Variants in CCDC148 observed in about 807,000 individuals in gnomAD.
The protein encoded by CCDC148 is coiled-coil domain-containing protein 148.
A neutral mutation model predicts 85.7 loss-of-function variants in CCDC148; 89 were observed. The observed-to-expected ratio is 1.04, with a 90% CI of 0.87 to 1.24. The LOEUF (loss-of-function observed/expected upper bound fraction) is 1.24, where lower values mean the gene tolerates loss of function less well. Among genes scored for constraint, CCDC148 ranks in the 50% most tolerant of loss-of-function variants. The pLI, the probability that CCDC148 is intolerant of heterozygous loss-of-function variation, is 0.00. For synonymous variants in CCDC148, 230 were observed against 213.9 expected (o/e 1.08, Z -0.66); for missense variants, 692 against 671.7 (o/e 1.03, Z -0.33).
intron 1 of CCDC148, among the ~76,000 whole-genome samples, chr2:158,433,278 A>ATATATATATATATATATATATATAT (rs1193160417): frequency 2.4e-5 from 3 of 127,616 alleles, no homozygotes; most frequent in Non-Finnish European, 5.5e-5. Context: ...ATATATATAT[A>ATATATATATATATATATATATATAT]AAACAAAAGC....
At chr2:158,241,959 A>G (rs551191814) in intron 10 of CCDC148, among the ~76,000 whole-genome samples, 20 of 152,320 alleles carry the variant, frequency 1.3e-4, no homozygotes, top group African/African-American at 4.3e-4. Flanking sequence ...GCTAATCAGT[A>G]CATTTTGTTG....
intron 11 of CCDC148, among the ~76,000 whole-genome samples, chr2:158,192,710 C>G (rs557963091): frequency 7.4e-4 from 113 of 152,022 alleles, no homozygotes; most frequent in African/African-American, 2.5e-3. Context: ...ACCTGGCTCT[C>G]TCATGGGGCC....
chr2:158,338,006 G>A (rs1028928606), intron 7 of CCDC148, among the ~76,000 whole-genome samples: 1 of 152,036 alleles, frequency 6.6e-6, no homozygotes, highest in South Asian at 2.1e-4. Context: ...TTCTTTCGGG[G>A]AAAATATTGA....
chr2:158,312,578 C>CAAAAAAAAAAAAAAAAAAAAAAAAAAA (rs61545122), intron 8 of CCDC148, among the ~76,000 whole-genome samples: 1 of 76,118 alleles, frequency 1.3e-5, no homozygotes, highest in Non-Finnish European at 2.3e-5. Flanking sequence ...GAATCCATCT[C>CAAAAAAAAAAAAAAAAAAAAAAAAAAA]AAAAAAAAAA....
chr2:158,216,816 T>C (rs1686888482), intron 11 of CCDC148, among the ~76,000 whole-genome samples: 1 of 152,152 alleles, frequency 6.6e-6, no homozygotes, highest in African/African-American at 2.4e-5. Context: ...TAAAAGTCAA[T>C]TGATAGGAAT....
intron 1 of CCDC148, among the ~76,000 whole-genome samples, chr2:158,444,771 C>T (rs944738533): frequency 2.0e-4 from 22 of 107,712 alleles, no homozygotes; most frequent in African/African-American, 7.5e-4. Flanking sequence ...GGTGACAGAG[C>T]GAGACCCTGT....
chr2:158,358,983 T>C (rs775808998), intron 1 of CCDC148, among the ~76,000 whole-genome samples: 14 of 152,172 alleles, frequency 9.2e-5, no homozygotes, highest in Non-Finnish European at 1.9e-4. Context: ...TTTTCAGTCA[T>C]AGATGCATTT....
intron 9 of CCDC148, among the ~76,000 whole-genome samples, chr2:158,252,820 CTCTA>C (rs1372008789): frequency 6.6e-6 from 1 of 151,766 alleles, no homozygotes; most frequent in African/African-American, 2.4e-5. Context: ...ATACCATCCG[CTCTA>C]TCTTTTTGTC....
chr2:158,446,821 T>C (rs778495595), intron 1 of CCDC148, among the ~76,000 whole-genome samples: 7 of 152,214 alleles, frequency 4.6e-5, no homozygotes, highest in African/African-American at 9.6e-5. Flanking sequence ...TCTATCTCCA[T>C]ATTTTTTCCC....
chr2:158,201,771 C>T (rs555165041), intron 11 of CCDC148, among the ~76,000 whole-genome samples: 103 of 152,060 alleles, frequency 6.8e-4, no homozygotes, highest in African/African-American at 2.3e-3. Flanking sequence ...TATTATCTTA[C>T]TTGGGAGGGG....
At chr2:158,336,911 A>G (rs757899659) in intron 7 of CCDC148, among the ~76,000 whole-genome samples, 35 of 152,116 alleles carry the variant, frequency 2.3e-4, no homozygotes, top group Non-Finnish European at 3.5e-4. Context: ...TTCAAACTCC[A>G]TAGTGAATTT....
intron 9 of CCDC148, among the ~76,000 whole-genome samples, chr2:158,306,283 G>C (rs922781241): frequency 6.6e-6 from 1 of 152,118 alleles, no homozygotes; most frequent in African/African-American, 2.4e-5. Context: ...AGCACTTTGG[G>C]AGGCTGAGGC....
chr2:158,176,223 TAC>T (rs1011165577), intron 13 of CCDC148, among the ~76,000 whole-genome samples: 134 of 152,002 alleles, frequency 8.8e-4, no homozygotes, highest in African/African-American at 3.0e-3. Flanking sequence ...ACAATATTAA[TAC>T]AGAGCTCTCA....
At chr2:158,351,335 C>T (rs968578590) in intron 2 of CCDC148, among the ~76,000 whole-genome samples, 1 of 152,222 alleles carries the variant, frequency 6.6e-6, no homozygotes, top group South Asian at 2.1e-4. Context: ...GGGTTCATCT[C>T]ACTAGGGAGT....
intron 1 of CCDC148, among the ~76,000 whole-genome samples, chr2:158,371,789 CT>C (rs1349399412): frequency 6.6e-6 from 1 of 151,674 alleles, no homozygotes; most frequent in East Asian, 1.9e-4. Context: ...AGAATTCTGC[CT>C]TTTTTACTGA....
intron 10 of CCDC148, among the ~76,000 whole-genome samples, chr2:158,221,532 C>A (rs1574430175): frequency 6.6e-6 from 1 of 152,104 alleles, no homozygotes; most frequent in South Asian, 2.1e-4. Flanking sequence ...CAGGTGAGTA[C>A]CTCAATGGTA....
In CCDC148 at chr2:158,176,606, G is replaced by A. The variant is rs984886256; in HGVS notation, c.1544C>T (p.Ser515Leu). 6.2e-7 allele frequency: 1 copy of A among 1,612,136 alleles called. No individual in the cohort carries two copies. The highest frequency in any genetic ancestry group is 8.5e-7 in the Non-Finnish European group (1 of 1,178,960). ...AATTTCAATGCCCATTCTAGCTTTT[G>A]ATGCCATTGTATCTGACATCATTCT... ...PVRMMSDTMA[S>L]KARMGIEIEE... is the part of the protein sequence containing the mutation. Residue 515 changes from serine to leucine, a missense_variant, in exon 13 of 14, where the codon TCA becomes TTA. Physicochemically the swap from Ser to Leu is moderately radical, Grantham distance 145. Transcript: ENST00000283233.
chr2:158,362,901 TAAC>T (rs1404196847), intron 1 of CCDC148, among the ~76,000 whole-genome samples: 1 of 151,108 alleles, frequency 6.6e-6, no homozygotes, highest in Non-Finnish European at 1.5e-5. Flanking sequence ...TTGAAAAAAT[TAAC>T]AAAATAGACT....
At chr2:158,311,082 G>A (rs1691985452) in intron 8 of CCDC148, among the ~76,000 whole-genome samples, 1 of 152,226 alleles carries the variant, frequency 6.6e-6, no homozygotes, top group Admixed American at 6.5e-5. Context: ...TGGCCGGGCA[G>A]AGGCTGCAAT....
Sources: allele counts gnomAD v4.1 joint callset (sites outside exome capture counted in the v4.1 genomes callset), GRCh38; gene constraint gnomAD v4.1.1; transcripts MANE v1.5; gene names NCBI Gene and HGNC (gene_info 2026-07-23, HGNC 2026-07-21).